The following OR1Q1 variants were observed in gnomAD, a reference collection of about 807,000 sequenced individuals.
The protein encoded by OR1Q1 is olfactory receptor 1Q1.
For synonymous variants in OR1Q1, 151 were observed against 143.0 expected, an observed-to-expected ratio of 1.06 and a Z score of -0.40; for missense variants, 362 against 391.1, an observed-to-expected ratio of 0.93 and a Z score of 0.63.
In OR1Q1 at chr9:122,615,435, G is replaced by A; in HGVS notation, c.698G>A (p.Gly233Asp). 6.2e-7 allele frequency: 1 copy of A among 1,614,082 alleles called. No individual in the cohort carries two copies. ...GTCCTCCGGATCCCCTCAGCCAAGGGCAGGTGGAAAACCTTTTCTACCTGC... is the reference window on the plus strand; with the variant it reads ...GTCCTCCGGATCCCCTCAGCCAAGGACAGGTGGAAAACCTTTTCTACCTGC... ...LVVLRIPSAK[G>D]RWKTFSTCGS... The change falls in exon 1 of 1, where the codon GGC (glycine) becomes GAC (aspartate). Residue 233 changes from glycine (G) to aspartate (D), a missense_variant. Transcript: ENST00000297913.
In OR1Q1 at chr9:122,614,813, C is replaced by T. The variant is rs763083058; in HGVS notation, c.76C>T (p.Pro26Ser). The change falls in exon 1 of 1, where the codon CCA (proline) becomes TCA (serine). Residue 26 changes from proline to serine, a missense_variant. By Grantham distance (74) the Pro-to-Ser change is moderately conservative (BLOSUM62 -1). Transcript: ENST00000297913. ...TTCCACCCACCCAGAAGAGCAAATC[C>T]CACTCTTCCTTGTTTTCTCACTCAT... ...GISTHPEEQIPLFLVFSLMYA... is the reference protein window; with the variant it reads ...GISTHPEEQISLFLVFSLMYA... 1.2e-6 allele frequency: 2 copies of T among 1,613,754 alleles called. No homozygotes were observed. Among genetic ancestry groups the T allele is most frequent in the Non-Finnish European group, 1.7e-6 (2 of 1,179,724 alleles).
rs1174297443 is a variant in OR1Q1, at chr9:122,615,499, C to G, written c.762C>G (p.Thr254=). The G allele has an allele frequency of 6.2e-7, 1 of 1,613,296 alleles. No homozygotes were observed. The highest frequency in any genetic ancestry group is 8.5e-7 in the Non-Finnish European group (1 of 1,179,622). The change falls in exon 1 of 1, where the codon ACC becomes ACG. Residue 254 remains threonine (T), a synonymous_variant. Coordinates refer to ENST00000297913, the MANE Select transcript of OR1Q1 (RefSeq NM_012364.1). ...CTGTGGTGGCCATATTCTATGGCACCCTCAGTTGGGTCTACTTCCGGCCCC... is the reference window on the plus strand; with the variant it reads ...CTGTGGTGGCCATATTCTATGGCACGCTCAGTTGGGTCTACTTCCGGCCCC... ...HLTVVAIFYG[T]LSWVYFRPLS...
Position 122,615,187 on chromosome 9 carries a change from T to G in OR1Q1, c.450T>G (p.Ala150=). Residue 150 remains alanine (A), a synonymous_variant, in exon 1 of 1, where the codon GCT becomes GCG. Transcript: ENST00000297913. ...TGAAGATGGTGGTCATGTGCCATGC[T>G]CTCTCCCACCTTCATGCCATGCTGC... ...LCVKMVVMCH[A]LSHLHAMLHT... is the part of the protein sequence containing the mutation. 6.2e-7 allele frequency: 1 copy of G among 1,614,144 alleles called. No individual in the cohort carries two copies. The highest frequency in any genetic ancestry group is 1.7e-5 in the Admixed American group (1 of 60,024).
rs548755304 is a variant in OR1Q1, at chr9:122,615,105, A to G, written c.368A>G (p.Tyr123Cys). The part of the protein sequence containing the change: ...FILAVMAYDR[Y>C]IAICHPFHYT... ...CTGGCTGTGATGGCCTATGACAGGT[A>G]CATTGCCATCTGCCACCCTTTCCAC... is the stretch of plus-strand genomic sequence containing the variant. Residue 123 changes from tyrosine (Y) to cysteine (C), a missense_variant, in exon 1 of 1, where the codon TAC becomes TGC. Transcript: ENST00000297913. 1.7e-5 allele frequency: 28 copies of G among 1,614,116 alleles called. No homozygotes were observed. The South Asian group carries it at 2.9e-4, about 16-fold the overall frequency.
Position 122,615,036 on chromosome 9 carries a change from A to C in OR1Q1, c.299A>C (p.Gln100Pro). The C allele has an allele frequency of 6.2e-7, 1 of 1,614,200 alleles. No homozygotes were observed. The highest frequency in any genetic ancestry group is 8.5e-7 in the Non-Finnish European group (1 of 1,180,038). Reference protein sequence around the residue: ...KVISYTGCLAQTYFFICFAVM... With the variant: ...KVISYTGCLAPTYFFICFAVM... ...ATTTCCTACACAGGCTGTTTAGCCC[A>C]AACTTATTTCTTCATTTGCTTCGCC... Residue 100 changes from glutamine to proline, a missense_variant, in exon 1 of 1, where the codon CAA (glutamine) becomes CCA (proline). Transcript: ENST00000297913.
rs758684406 is a variant in OR1Q1, at chr9:122,615,345, G to T, written c.608G>T (p.Gly203Val). ...AACACCCTTATGATTCACACAGAAG[G>T]TGCTGTTGTAATCAGTGGAGCTCTG... ...YLNTLMIHTE[G>V]AVVISGALAF... Residue 203 changes from glycine (G) to valine (V), a missense_variant, in exon 1 of 1, where the codon GGT becomes GTT. Physicochemically the swap from Gly to Val is moderately radical, Grantham distance 109 (BLOSUM62 -3). Transcript: ENST00000297913. 1.9e-6 allele frequency: 3 copies of T among 1,614,038 alleles called. No homozygotes were observed. The highest frequency in any genetic ancestry group is 2.5e-6 in the Non-Finnish European group (3 of 1,180,030).
rs1169922392 is a variant in OR1Q1, at chr9:122,615,539, G to A, written c.802G>A (p.Val268Met). ...CTTCCGGCCCCTTTCCAGCTATTCA[G>A]TGACCAAGGGTCGCATTATAACAGT... is the stretch of plus-strand genomic sequence containing the variant. ...VYFRPLSSYS[V>M]TKGRIITVVY... The change falls in exon 1 of 1, where the codon GTG (valine) becomes ATG (methionine). Residue 268 changes from valine (V) to methionine (M), a missense_variant. Transcript: ENST00000297913. 6.2e-7 allele frequency: 1 copy of A among 1,607,308 alleles called. No homozygotes were observed. The highest frequency in any genetic ancestry group is 8.5e-7 in the Non-Finnish European group (1 of 1,176,784).
In OR1Q1 at chr9:122,615,082, G is replaced by A. The variant is rs376217616; in HGVS notation, c.345G>A (p.Leu115=). 1.2e-6 allele frequency: 2 copies of A among 1,614,002 alleles called. No homozygotes were observed. The highest frequency in any genetic ancestry group is 1.3e-5 in the African/African-American group (1 of 74,902). ...ICFAVMENFI[L]AVMAYDRYIA... is the part of the protein sequence containing the mutation. ...TCGCCGTCATGGAAAACTTCATCCTGGCTGTGATGGCCTATGACAGGTACA... is the reference window on the plus strand; with the variant it reads ...TCGCCGTCATGGAAAACTTCATCCTAGCTGTGATGGCCTATGACAGGTACA... The change falls in exon 1 of 1, where the codon CTG becomes CTA. Residue 115 remains leucine (L), a synonymous_variant. Transcript: ENST00000297913.
chr9:122,615,514 C>T lies in OR1Q1; in HGVS notation c.777C>T (p.Tyr259=). Residue 259 remains tyrosine (Y), a synonymous_variant, in exon 1 of 1, where the codon TAC becomes TAT. Coordinates refer to ENST00000297913, the MANE Select transcript of OR1Q1 (RefSeq NM_012364.1). ...TCTATGGCACCCTCAGTTGGGTCTA[C>T]TTCCGGCCCCTTTCCAGCTATTCAG... ...AIFYGTLSWV[Y]FRPLSSYSVT... 6.2e-7 allele frequency: 1 copy of T among 1,611,660 alleles called. No individual in the cohort carries two copies. Among genetic ancestry groups the T allele is most frequent in the South Asian group, 1.1e-5 (1 of 90,652 alleles).
At position 122,615,143 on chromosome 9, in the gene OR1Q1, C is replaced by T. The variant is rs749641042; in HGVS notation, c.406C>T (p.Leu136=). The T allele has an allele frequency of 2.6e-5, 42 of 1,614,076 alleles. No homozygotes were observed. In the African/African-American group the frequency reaches 5.6e-4, roughly 22 times the overall value. ...ICHPFHYTMI[L]TRMLCVKMVV... ...CCACCCTTTCCACTACACTATGATC[C>T]TGACTAGAATGCTGTGTGTGAAGAT... is the stretch of plus-strand genomic sequence containing the variant. The change falls in exon 1 of 1, where the codon CTG becomes TTG. Residue 136 remains leucine (L), a synonymous_variant. Coordinates refer to ENST00000297913, the MANE Select transcript of OR1Q1 (RefSeq NM_012364.1).
In OR1Q1 at chr9:122,615,641, A is replaced by C; in HGVS notation, c.904A>C (p.Met302Leu). 6.4e-7 allele frequency: 1 copy of C among 1,565,696 alleles called. No individual in the cohort carries two copies. The highest frequency in any genetic ancestry group is 8.6e-7 in the Non-Finnish European group (1 of 1,163,162). Residue 302 changes from methionine to leucine, a missense_variant, in exon 1 of 1, where the codon ATG (methionine) becomes CTG (leucine). Physicochemically the swap from Met to Leu is conservative, Grantham distance 15. Transcript: ENST00000297913. ...GAATGGGGATGTCAAGGGAGGCTTC[A>C]TGAAATGGATGAGCAGAATGCAGAC... Reference protein sequence around the residue: ...LRNGDVKGGFMKWMSRMQTFF... With the variant: ...LRNGDVKGGFLKWMSRMQTFF...
Position 122,614,834 on chromosome 9 carries a change from C to T in OR1Q1, c.97C>T (p.Leu33Phe), listed in dbSNP as rs146024562. ...AATCCCACTCTTCCTTGTTTTCTCA[C>T]TCATGTACGCAATCAATATTTCTGG... Reference protein sequence around the residue: ...EQIPLFLVFSLMYAINISGNL... With the variant: ...EQIPLFLVFSFMYAINISGNL... The change falls in exon 1 of 1, where the codon CTC becomes TTC. Residue 33 changes from leucine to phenylalanine, a missense_variant. Coordinates refer to ENST00000297913, the MANE Select transcript of OR1Q1 (RefSeq NM_012364.1). The T allele has an allele frequency of 1.2e-6, 2 of 1,613,992 alleles. No individual in the cohort carries two copies. The highest frequency in any genetic ancestry group is 2.2e-5 in the East Asian group (1 of 44,890).
At position 122,614,883 on chromosome 9, in the gene OR1Q1, T is replaced by G; in HGVS notation, c.146T>G (p.Ile49Ser). ...GGCAACTTGGCCATCATCACACTGA[T>G]TCTCTCTGCTCCACGCCTCCACATC... The part of the protein sequence containing the change: ...ISGNLAIITL[I>S]LSAPRLHIPM... Residue 49 changes from isoleucine (I) to serine (S), a missense_variant, in exon 1 of 1, where the codon ATT becomes AGT. Physicochemically the swap from Ile to Ser is moderately radical, Grantham distance 142 (BLOSUM62 -2). Transcript: ENST00000297913. 1 of 1,614,132 alleles carries G rather than the reference T, an allele frequency of 6.2e-7. No individual in the cohort carries two copies. Among genetic ancestry groups the G allele is most frequent in the Non-Finnish European group, 8.5e-7 (1 of 1,180,028 alleles).
rs369926662 is a variant in OR1Q1, at chr9:122,615,672, T to C, written c.935T>C (p.Phe312Ser). Residue 312 changes from phenylalanine to serine, a missense_variant, in exon 1 of 1, where the codon TTC becomes TCC. Transcript: ENST00000297913. Reference protein sequence around the residue: ...MKWMSRMQTFFFR With the variant: ...MKWMSRMQTFSFR ...TGGATGAGCAGAATGCAGACTTTTT[T>C]CTTTAGATAAAACCCCAAACACAGT... 4 of 1,540,510 alleles carry C rather than the reference T, an allele frequency of 2.6e-6. No individual in the cohort carries two copies. The African/African-American group carries it at 4.2e-5, about 16-fold the overall frequency.
In OR1Q1 at chr9:122,614,883, TTC is replaced by T. The variant is rs1564214072; in HGVS notation, c.152_153del (p.Ser51CysfsTer14). ...GGCAACTTGGCCATCATCACACTGA[TTC>T]TCTCTGCTCCACGCCTCCACATCCC... On this transcript the variant is annotated frameshift_variant, in exon 1 of 1. Transcript: ENST00000297913. LOFTEE classifies it low-confidence loss of function (END_TRUNC). The T allele has an allele frequency of 6.2e-6, 10 of 1,614,132 alleles. No homozygotes were observed. The highest frequency in any genetic ancestry group is 8.5e-6 in the Non-Finnish European group (10 of 1,180,028).
chr9:122,614,914 G>A lies in OR1Q1; in HGVS notation c.177G>A (p.Met59Ile). The change falls in exon 1 of 1, where the codon ATG (methionine) becomes ATA (isoleucine). Residue 59 changes from methionine (M) to isoleucine (I), a missense_variant. By Grantham distance (10) the Met-to-Ile change is conservative. Coordinates refer to ENST00000297913, the MANE Select transcript of OR1Q1 (RefSeq NM_012364.1). Reference sequence around the variant, plus strand: ...CTGCTCCACGCCTCCACATCCCCATGTACATCTTCCTCAGTAACTTGGCCT... The same window carrying A: ...CTGCTCCACGCCTCCACATCCCCATATACATCTTCCTCAGTAACTTGGCCT... ...ILSAPRLHIP[M>I]YIFLSNLALT... 1 of 1,614,128 alleles carries A rather than the reference G, an allele frequency of 6.2e-7. No homozygotes were observed. The highest frequency in any genetic ancestry group is 8.5e-7 in the Non-Finnish European group (1 of 1,180,026).
chr9:122,614,937 C>T lies in OR1Q1; in HGVS notation c.200C>T (p.Ala67Val). The change falls in exon 1 of 1, where the codon GCC (alanine) becomes GTC (valine). Residue 67 changes from alanine to valine, a missense_variant. Coordinates refer to ENST00000297913, the MANE Select transcript of OR1Q1 (RefSeq NM_012364.1). ...IPMYIFLSNL[A>V]LTDICFTSTT... The stretch of plus-strand genomic sequence containing the variant: ...ATGTACATCTTCCTCAGTAACTTGG[C>T]CTTGACAGACATCTGCTTCACCTCC... The T allele has an allele frequency of 6.2e-7, 1 of 1,614,160 alleles. No homozygotes were observed. Among genetic ancestry groups the T allele is most frequent in the Non-Finnish European group, 8.5e-7 (1 of 1,180,016 alleles).
At position 122,615,027 on chromosome 9, in the gene OR1Q1, G is replaced by C; in HGVS notation, c.290G>C (p.Cys97Ser). 6.2e-7 allele frequency: 1 copy of C among 1,614,180 alleles called. No homozygotes were observed. The highest frequency in any genetic ancestry group is 8.5e-7 in the Non-Finnish European group (1 of 1,180,032). ...ACAAAGGTAATTTCCTACACAGGCT[G>C]TTTAGCCCAAACTTATTTCTTCATT... is the stretch of plus-strand genomic sequence containing the variant. Reference protein sequence around the residue: ...SPTKVISYTGCLAQTYFFICF... With the variant: ...SPTKVISYTGSLAQTYFFICF... The change falls in exon 1 of 1, where the codon TGT becomes TCT. Residue 97 changes from cysteine (C) to serine (S), a missense_variant. By Grantham distance (112) the Cys-to-Ser change is moderately radical (BLOSUM62 -1). Coordinates refer to ENST00000297913, the MANE Select transcript of OR1Q1 (RefSeq NM_012364.1).
Position 122,615,436 on chromosome 9 carries a change from C to A in OR1Q1, c.699C>A (p.Gly233=), listed in dbSNP as rs1332087523. ...TCCTCCGGATCCCCTCAGCCAAGGG[C>A]AGGTGGAAAACCTTTTCTACCTGCG... The part of the protein sequence containing the change: ...LVVLRIPSAK[G]RWKTFSTCGS... The change falls in exon 1 of 1, where the codon GGC becomes GGA. Residue 233 remains glycine (G), a synonymous_variant. Coordinates refer to ENST00000297913, the MANE Select transcript of OR1Q1 (RefSeq NM_012364.1). The A allele has an allele frequency of 3.1e-6, 5 of 1,613,988 alleles. No individual in the cohort carries two copies. In the African/African-American group the frequency reaches 6.7e-5, roughly 22 times the overall value.
Sources: allele counts gnomAD v4.1 joint callset, GRCh38; gene constraint gnomAD v4.1.1; transcripts MANE v1.5; gene names NCBI Gene and HGNC (gene_info 2026-07-23, HGNC 2026-07-21).